ADGB: variants seen among roughly 807,000 people sequenced by gnomAD.
The protein encoded by ADGB is calpain-7-like protein.
In ADGB, 172 loss-of-function variants were observed where a neutral mutation model predicts 210.5. The ratio of observed to expected loss-of-function variants is 0.82; its 90% CI spans 0.72 to 0.93. ADGB has a LOEUF of 0.93. ADGB is among the 40% of genes least tolerant of loss of function. The probability of loss-of-function intolerance (pLI) is 0.00; values close to 1 mark genes in which losing one functional copy is unlikely to be tolerated. For missense variants in ADGB, 2,025 were observed against 1,964.8 expected, an observed-to-expected ratio of 1.03 and a Z score of -0.58; for synonymous variants, 658 against 662.7, an observed-to-expected ratio of 0.99 and a Z score of 0.11.
At chr6:146,664,696 G>A (rs1412705213) in intron 6 of ADGB, among the ~76,000 whole-genome samples, 2 of 151,982 alleles carry the variant, frequency 1.3e-5, no homozygotes, top group South Asian at 2.1e-4. Context: ...AATATATCCT[G>A]AAATCTAGTT....
At chr6:146,813,556 T>A (rs941886197) in intron 35 of ADGB, among the ~76,000 whole-genome samples, 1 of 152,240 alleles carries the variant, frequency 6.6e-6, no homozygotes, top group African/African-American at 2.4e-5. Flanking sequence ...TGCTAGAATA[T>A]AGACTATATG....
At chr6:146,666,607 T>A (rs1038193862) in intron 6 of ADGB, among the ~76,000 whole-genome samples, 1 of 151,916 alleles carries the variant, frequency 6.6e-6, no homozygotes, top group Non-Finnish European at 1.5e-5. Context: ...CATATAAACA[T>A]GCCTTGCAAA....
At chr6:146,793,415 C>A (rs577333651) in intron 33 of ADGB, among the ~76,000 whole-genome samples, 19 of 152,212 alleles carry the variant, frequency 1.2e-4, no homozygotes, top group Non-Finnish European at 2.8e-4. Flanking sequence ...GTGATGACCA[C>A]TGTAGCTACT....
At chr6:146,754,714 A>C (rs1777382482) in intron 27 of ADGB, among the ~76,000 whole-genome samples, 1 of 152,004 alleles carries the variant, frequency 6.6e-6, no homozygotes, top group Non-Finnish European at 1.5e-5. Context: ...TTCTAATTGA[A>C]TTCTGTGGAG....
rs1414769171 is a variant in ADGB at position 146,764,072 on chromosome 6, G to A, written c.3722G>A (p.Arg1241Lys). 2 of 1,550,194 alleles carry A rather than the reference G, an allele frequency of 1.3e-6. No homozygotes were observed. Among genetic ancestry groups the A allele is most frequent in the Admixed American group, 2.0e-5 (1 of 50,658 alleles). ...VEEETTSTPT[R>K]EDSSSTPLQN... ...GAGGAAACTACCAGTACACCCACTAGAGAAGACAGTTCCAGCACACCACTG... is the reference window on the plus strand; with the variant it reads ...GAGGAAACTACCAGTACACCCACTAAAGAAGACAGTTCCAGCACACCACTG... The change falls in exon 28 of 36, where the codon AGA becomes AAA. Residue 1241 changes from arginine (R) to lysine (K), a missense_variant. Physicochemically the swap from Arg to Lys is conservative, Grantham distance 26 (BLOSUM62 2). Coordinates refer to ENST00000397944, the MANE Select transcript of ADGB (RefSeq NM_024694.4).
chr6:146,733,002 C>A (rs1022116918), intron 20 of ADGB, 118 bp from the exon 21 acceptor site: 1 of 745,208 alleles, frequency 1.3e-6, no homozygotes, highest in Non-Finnish European at 2.0e-6. Context: ...TGTTAGGTTG[C>A]GTGTACATCT....
At position 146,815,178 on chromosome 6, in the gene ADGB, T is replaced by A. The variant is rs1176968022; in HGVS notation, c.4965T>A (p.Ala1655=). 6.6e-7 allele frequency: 1 copy of A among 1,515,458 alleles called. No homozygotes were observed. Among genetic ancestry groups the A allele is most frequent in the African/African-American group, 1.4e-5 (1 of 70,134 alleles). The allele number at this position is 1,515,458 out of a possible 1,614,324, so 93.9% of individuals were successfully genotyped here. A position where few individuals can be genotyped will look rare whatever the true frequency, so the allele number is the denominator to read the frequency against. The part of the protein sequence containing the change: ...MKLETEKMTP[A]PDTQKKKKGK... ...TGGAGACAGAAAAGATGACCCCAGC[T>A]CCTGACACACAGAAAAAAAAGAAAG... The change falls in exon 36 of 36, where the codon GCT becomes GCA. Residue 1655 remains alanine, a synonymous_variant. Coordinates refer to ENST00000397944, the MANE Select transcript of ADGB (RefSeq NM_024694.4).
intron 35 of ADGB, chr6:146,802,228 A>G (rs1778146458): frequency 7.1e-6 from 2 of 281,102 alleles, no homozygotes; most frequent in Non-Finnish European, 6.3e-6. Context: ...TTGGGAATCT[A>G]TCCTCAAAGA....
chr6:146,734,324 A>T (rs540677671), intron 22 of ADGB, among the ~76,000 whole-genome samples: 130 of 152,320 alleles, frequency 8.5e-4, no homozygotes, highest in Admixed American at 4.0e-3. Flanking sequence ...AGTTCTTTTA[A>T]AACAGGGAAC....
At chr6:146,781,727 C>A (rs1777802746) in intron 29 of ADGB, among the ~76,000 whole-genome samples, 1 of 152,046 alleles carries the variant, frequency 6.6e-6, no homozygotes, top group African/African-American at 2.4e-5. Flanking sequence ...ATAAATGAAA[C>A]AAATGGCATC....
intron 16 of ADGB, among the ~76,000 whole-genome samples, chr6:146,719,713 A>G (rs1257231860): frequency 6.6e-6 from 1 of 152,210 alleles, no homozygotes; most frequent in Admixed American, 6.5e-5. Context: ...TGTGGCCTTC[A>G]GGAACACCCC....
chr6:146,691,233 C>T lies in ADGB; in HGVS notation c.1429C>T (p.Pro477Ser). ...AGCACCACCAAAACCACCTCCTCTACCTCCCTGGAAACTCATTCGTCAAAA... is the reference window on the plus strand; with the variant it reads ...AGCACCACCAAAACCACCTCCTCTATCTCCCTGGAAACTCATTCGTCAAAA... ...LVAPPKPPPLPPWKLIRQKKE... is the reference protein window; with the variant it reads ...LVAPPKPPPLSPWKLIRQKKE... Residue 477 changes from proline (P) to serine (S), a missense_variant, in exon 11 of 36, where the codon CCT becomes TCT. Physicochemically the swap from Pro to Ser is moderately conservative, Grantham distance 74 (BLOSUM62 -1). Coordinates refer to ENST00000397944, the MANE Select transcript of ADGB (RefSeq NM_024694.4). 1.9e-6 allele frequency: 3 copies of T among 1,548,496 alleles called. No homozygotes were observed. The highest frequency in any genetic ancestry group is 2.6e-6 in the Non-Finnish European group (3 of 1,146,242).
chr6:146,624,721 A>G (rs1780948197), intron 1 of ADGB, among the ~76,000 whole-genome samples: 1 of 151,952 alleles, frequency 6.6e-6, no homozygotes, highest in Non-Finnish European at 1.5e-5. Flanking sequence ...ATTTCGTCCT[A>G]TAAATTTCAC....
At chr6:146,746,430 A>C (rs982314855) in intron 26 of ADGB, among the ~76,000 whole-genome samples, 1 of 152,070 alleles carries the variant, frequency 6.6e-6, no homozygotes. Context: ...TGGGGGTTTA[A>C]TCAACCAACT....
At chr6:146,668,035 A>G (rs1583581881) in intron 7 of ADGB, among the ~76,000 whole-genome samples, 1 of 152,216 alleles carries the variant, frequency 6.6e-6, no homozygotes, top group East Asian at 1.9e-4. Context: ...CTATTAGGTA[A>G]AGAATAGAAT....
intron 35 of ADGB, chr6:146,803,158 A>G (rs1485926179): frequency 5.4e-6 from 8 of 1,487,842 alleles, no homozygotes; most frequent in East Asian, 4.5e-5. Flanking sequence ...ATCCTCAACA[A>G]ATAAGCTACA....
chr6:146,740,605 A>T lies in ADGB; in HGVS notation c.3023+12A>T. The T allele has an allele frequency of 1.3e-6, 2 of 1,548,178 alleles. No homozygotes were observed. The highest frequency in any genetic ancestry group is 1.7e-6 in the Non-Finnish European group (2 of 1,145,680). On this transcript the variant is annotated intron_variant, in intron 24 of 35. Coordinates refer to ENST00000397944, the MANE Select transcript of ADGB (RefSeq NM_024694.4). ...TTTATAGTATTCAGGTGAGGTTGTT[A>T]TATAGTGACAAATATGTCTCTAAAT...
intron 10 of ADGB, among the ~76,000 whole-genome samples, chr6:146,686,766 C>T (rs574918612): frequency 6.6e-6 from 1 of 152,164 alleles, no homozygotes; most frequent in South Asian, 2.1e-4. Context: ...ACATCTAACA[C>T]TTTGTTACTA....
chr6:146,793,183 G>A (rs780991251), intron 33 of ADGB, among the ~76,000 whole-genome samples: 5 of 151,160 alleles, frequency 3.3e-5, no homozygotes, highest in South Asian at 2.1e-4. Context: ...GATGAGTGGC[G>A]CATTTTACAG....
Sources: gnomAD v4.1 joint callset for allele counts (sites outside exome capture counted in the v4.1 genomes callset) on GRCh38, gnomAD v4.1.1 for gene constraint, MANE v1.5 for transcripts, NCBI Gene and HGNC (gene_info 2026-07-23, HGNC 2026-07-21) for gene names.